Variants in ZNF829 observed in about 807,000 individuals in gnomAD.
ZNF829 encodes zinc finger protein 829.
Under a neutral mutation model 35.2 loss-of-function variants are expected in ZNF829, and 25 were observed. The observed-to-expected ratio is 0.71, with a 90% CI of 0.52 to 0.99. The LOEUF (loss-of-function observed/expected upper bound fraction) is 0.99, where lower values mean the gene tolerates loss of function less well. Ranked by LOEUF, ZNF829 falls within the 50% of genes least tolerant of loss-of-function variation. The probability of loss-of-function intolerance (pLI) is 0.00; values close to 1 mark genes in which losing one functional copy is unlikely to be tolerated. For synonymous variants in ZNF829, 136 were observed against 163.2 expected (o/e 0.83, Z 1.27); for missense variants, 417 against 515.3 (o/e 0.81, Z 1.85).
rs540495043 is a variant in ZNF829, at chr19:36,915,256, A to C, written c.-84-5T>G. 1.6e-4 allele frequency: 258 copies of C among 1,608,894 alleles called. No homozygotes were observed. The African/African-American group carries it at 3.1e-3, about 19-fold the overall frequency. On this transcript the variant is annotated splice_polypyrimidine_tract_variant and splice_region_variant and intron_variant, in intron 1 of 5. Transcript: ENST00000391711. ...ACCAGACCTCAGAGAGGTTTCCTAG[A>C]GACAGAGTTCTGGAGTCACAATCGC...
chr19:36,912,293 A>C (rs1600744174), intron 3 of ZNF829, among the ~76,000 whole-genome samples: 1 of 152,232 alleles, frequency 6.6e-6, no homozygotes, highest in East Asian at 1.9e-4. Context: ...CAATCAAAGG[A>C]CATCAAAGAG....
chr19:36,896,366 C>T (rs1040997800), intron 5 of ZNF829, among the ~76,000 whole-genome samples: 10 of 151,676 alleles, frequency 6.6e-5, no homozygotes, highest in Non-Finnish European at 1.5e-4. Context: ...ACCTGTAATC[C>T]GAGCTACTCA....
intron 5 of ZNF829, among the ~76,000 whole-genome samples, chr19:36,904,004 C>T (rs16971772): frequency 0.16 from 24,732 of 152,074 alleles, 2,543 homozygotes; most frequent in African/African-American, 0.28. Flanking sequence ...TGTAAAAACA[C>T]TCCTAAGTGA....
At position 36,914,982 on chromosome 19, in the gene ZNF829, G is replaced by C; in HGVS notation, c.79C>G (p.Leu27Val). 6.2e-7 allele frequency: 1 copy of C among 1,614,180 alleles called. No individual in the cohort carries two copies. Among genetic ancestry groups the C allele is most frequent in the Admixed American group, 1.7e-5 (1 of 60,024 alleles). ...EEEERMHDEL[L>V]QAVSKGPVMF... ...CAACACACCTTGGATACTGCTTGTA[G>C]AAGTTCATCATGCATTCTTTCCTCC... is the stretch of plus-strand genomic sequence containing the variant. The change falls in exon 3 of 6, where the codon CTA becomes GTA. Residue 27 changes from leucine to valine, a missense_variant. Transcript: ENST00000391711.
chr19:36,893,101 A>C, intron 5 of ZNF829: 1 of 397,870 alleles, frequency 2.5e-6, no homozygotes. Context: ...AGGACTGTTA[A>C]GAATAACAAA....
At position 36,891,655 on chromosome 19, in the gene ZNF829, G is replaced by A. The variant is rs751130418; in HGVS notation, c.1136C>T (p.Pro379Leu). 1 of 1,613,458 alleles carries A rather than the reference G, an allele frequency of 6.2e-7. No individual in the cohort carries two copies. The highest frequency in any genetic ancestry group is 1.7e-4 in the Middle Eastern group (1 of 6,054). ...CTTCCCACATTCATTACATTCATAT[G>A]GTTTTTCATCTGTATGGATTCTCTG... ...QHQRIHTDEKPYECNECGKAF... is the reference protein window; with the variant it reads ...QHQRIHTDEKLYECNECGKAF... Residue 379 changes from proline to leucine, a missense_variant, in exon 6 of 6, where the codon CCA becomes CTA. Pro to Leu is a moderately conservative substitution (Grantham distance 98, BLOSUM62 -3). Transcript: ENST00000391711.
intron 5 of ZNF829, chr19:36,907,087 C>CAAAAAAAAAAAAAAAAAAAA (rs1158970593): frequency 4.2e-5 from 1 of 23,730 alleles, no homozygotes; most frequent in African/African-American, 1.7e-4. Context: ...GACTCCATCT[C>CAAAAAAAAAAAAAAAAAAAA]AAAAAAAAAA....
chr19:36,914,015 T>C (rs1437052155), intron 3 of ZNF829, among the ~76,000 whole-genome samples: 1 of 152,152 alleles, frequency 6.6e-6, no homozygotes, highest in Non-Finnish European at 1.5e-5. Context: ...TTCCAATATA[T>C]GGTATTGATA....
chr19:36,893,061 A>G (rs1246263078), intron 5 of ZNF829: 1 of 398,948 alleles, frequency 2.5e-6, no homozygotes, highest in African/African-American at 2.1e-5. Context: ...ATGTTTTGCA[A>G]TTCGTAGATA....
chr19:36,894,154 G>A (rs1226503996), intron 5 of ZNF829, among the ~76,000 whole-genome samples: 5 of 152,038 alleles, frequency 3.3e-5, no homozygotes, highest in Admixed American at 3.3e-4. Flanking sequence ...TAACAACCAA[G>A]CCCTAAGCCA....
chr19:36,902,186 A>AC (rs376554721), intron 5 of ZNF829: 162 of 211,554 alleles, frequency 7.7e-4, no homozygotes, highest in African/African-American at 3.4e-3. Flanking sequence ...AAAAACAAGT[A>AC]CCCCCCCGCA....
Position 36,891,472 on chromosome 19 carries a change from T to G in ZNF829, c.*20A>C. On this transcript the variant is annotated 3_prime_UTR_variant, in exon 6 of 6. Coordinates refer to ENST00000391711, the MANE Select transcript of ZNF829 (RefSeq NM_001037232.4). ...AAAATTATTATAAAGGTTAACAAAATGGTCTTACTTTACTGTCATTCAACC... is the reference window on the plus strand; with the variant it reads ...AAAATTATTATAAAGGTTAACAAAAGGGTCTTACTTTACTGTCATTCAACC... The G allele has an allele frequency of 1.3e-6, 2 of 1,516,934 alleles. No individual in the cohort carries two copies. The highest frequency in any genetic ancestry group is 1.8e-6 in the Non-Finnish European group (2 of 1,135,806). 94.0% of individuals were successfully genotyped at this position (1,516,934 alleles called of 1,614,324 possible). A position where few individuals can be genotyped will look rare whatever the true frequency, so the allele number is the denominator to read the frequency against.
chr19:36,915,359 G>A, intron 1 of ZNF829, 108 bp from the exon 2 acceptor site: 1 of 1,354,330 alleles, frequency 7.4e-7, no homozygotes, highest in South Asian at 1.5e-5. Flanking sequence ...CGACATGCAC[G>A]TCTCACCTGC....
At chr19:36,902,483 A>C (rs2073176614) in intron 5 of ZNF829, among the ~76,000 whole-genome samples, 1 of 151,844 alleles carries the variant, frequency 6.6e-6, no homozygotes, top group African/African-American at 2.4e-5. Flanking sequence ...AAAAATACAA[A>C]AATTAGCCGG....
intron 5 of ZNF829, among the ~76,000 whole-genome samples, chr19:36,903,022 C>T (rs2073184819): frequency 6.6e-6 from 1 of 151,912 alleles, no homozygotes; most frequent in Non-Finnish European, 1.5e-5. Context: ...GGCGACAGAG[C>T]GAATCTCCAT....
At chr19:36,899,264 A>ACC (rs111462486) in intron 5 of ZNF829, among the ~76,000 whole-genome samples, 140 of 150,178 alleles carry the variant, frequency 9.3e-4, no homozygotes, top group African/African-American at 2.7e-3. Flanking sequence ...ACATAGGGAG[A>ACC]CCCCCCCCGA....
Position 36,892,093 on chromosome 19 carries a change from A to G in ZNF829, c.698T>C (p.Ile233Thr), listed in dbSNP as rs376364399. The change falls in exon 6 of 6, where the codon ATT (isoleucine) becomes ACT (threonine). Residue 233 changes from isoleucine (I) to threonine (T), a missense_variant. Coordinates refer to ENST00000391711, the MANE Select transcript of ZNF829 (RefSeq NM_001037232.4). ...TTCATAGGGTTTCTCACCAGTGTGAATCCTCTGATGTTGAGAAAAATATGA... is the reference window on the plus strand; with the variant it reads ...TTCATAGGGTTTCTCACCAGTGTGAGTCCTCTGATGTTGAGAAAAATATGA... The part of the protein sequence containing the change: ...CSSYFSQHQR[I>T]HTGEKPYECK... 18 of 1,614,116 alleles carry G rather than the reference A, an allele frequency of 1.1e-5. No homozygotes were observed. Among genetic ancestry groups the G allele is most frequent in the Non-Finnish European group, 1.5e-5 (18 of 1,180,010 alleles).
chr19:36,893,504 CT>C (rs1177284355), intron 5 of ZNF829, among the ~76,000 whole-genome samples: 2 of 152,072 alleles, frequency 1.3e-5, no homozygotes, highest in African/African-American at 4.8e-5. Context: ...CCCTCTTTTC[CT>C]TGTTTATTAA....
At chr19:36,900,759 A>G (rs1029079033) in intron 5 of ZNF829, among the ~76,000 whole-genome samples, 9 of 151,582 alleles carry the variant, frequency 5.9e-5, no homozygotes, top group Non-Finnish European at 4.4e-5. Flanking sequence ...GAGGCAAGGG[A>G]ATTGCTTGAA....
Sources: gnomAD v4.1 joint callset for allele counts (sites outside exome capture counted in the v4.1 genomes callset) on GRCh38, gnomAD v4.1.1 for gene constraint, MANE v1.5 for transcripts, NCBI Gene and HGNC (gene_info 2026-07-23, HGNC 2026-07-21) for gene names.